Variants in GDPD1 observed in about 807,000 individuals in gnomAD.
GDPD1 encodes lysophospholipase D GDPD1.
In GDPD1, 28 loss-of-function variants were observed where a neutral mutation model predicts 45.1. That is an observed-to-expected ratio of 0.62 (90% CI 0.46 to 0.85). The LOEUF (loss-of-function observed/expected upper bound fraction) is 0.85, where lower values mean the gene tolerates loss of function less well. GDPD1 is among the 40% of genes least tolerant of loss of function. The pLI is 0.00. For synonymous variants in GDPD1, 139 were observed against 131.4 expected, an observed-to-expected ratio of 1.06 and a Z score of -0.40; for missense variants, 256 against 364.8, an observed-to-expected ratio of 0.70 and a Z score of 2.43.
intron 4 of GDPD1, among the ~76,000 whole-genome samples, chr17:59,250,766 C>G (rs2047247030): frequency 6.6e-6 from 1 of 152,096 alleles, no homozygotes; most frequent in South Asian, 2.1e-4. Context: ...GTAGCTCAAT[C>G]TCAGCTCACT....
intron 2 of GDPD1, among the ~76,000 whole-genome samples, chr17:59,234,794 T>C (rs1166238053): frequency 6.6e-6 from 1 of 152,166 alleles, no homozygotes; most frequent in Admixed American, 6.5e-5. Context: ...AAAGAAGACA[T>C]TTGTAACAAG....
chr17:59,241,668 G>A (rs1597972022), intron 2 of GDPD1, among the ~76,000 whole-genome samples: 1 of 150,808 alleles, frequency 6.6e-6, no homozygotes, highest in African/African-American at 2.4e-5. Context: ...GTGGCTCATG[G>A]CTGTAATCCC....
chr17:59,227,433 T>G (rs2047055783), intron 1 of GDPD1, among the ~76,000 whole-genome samples: 1 of 151,902 alleles, frequency 6.6e-6, no homozygotes, highest in Admixed American at 6.6e-5. Context: ...AAAAAAAAAT[T>G]TAAAACTTTT....
chr17:59,250,356 C>A (rs2047243330), intron 4 of GDPD1, among the ~76,000 whole-genome samples: 1 of 152,100 alleles, frequency 6.6e-6, no homozygotes, highest in Non-Finnish European at 1.5e-5. Flanking sequence ...TGTGGTGGCT[C>A]ACACCTATAA....
Position 59,257,807 on chromosome 17 carries a change from C to T in GDPD1, c.543C>T (p.Ala181=). ...AACACTTAACAGTGTGGGGTAATGC[C>T]AATTATGAAATTGTAGAAAAGTGCT... ...NREHLTVWGN[A]NYEIVEKCYK... is the part of the protein sequence containing the mutation. The change falls in exon 6 of 10, where the codon GCC becomes GCT. Residue 181 remains alanine (A), a synonymous_variant. Coordinates refer to ENST00000284116, the MANE Select transcript of GDPD1 (RefSeq NM_182569.4). 6.2e-7 allele frequency: 1 copy of T among 1,603,168 alleles called. No homozygotes were observed. The highest frequency in any genetic ancestry group is 8.5e-7 in the Non-Finnish European group (1 of 1,174,806).
chr17:59,256,241 C>T (rs1568347197), intron 4 of GDPD1, among the ~76,000 whole-genome samples: 2 of 151,734 alleles, frequency 1.3e-5, no homozygotes, highest in South Asian at 4.2e-4. Flanking sequence ...CACTTGGGCC[C>T]AGGAGGCAGA....
chr17:59,263,443 A>G (rs1283787029), intron 6 of GDPD1, among the ~76,000 whole-genome samples: 1 of 150,190 alleles, frequency 6.7e-6, no homozygotes, highest in Non-Finnish European at 1.5e-5. Flanking sequence ...CCAACATACT[A>G]TATAATTGAT....
At chr17:59,255,828 C>T (rs1251896069) in intron 4 of GDPD1, among the ~76,000 whole-genome samples, 3 of 36,614 alleles carry the variant, frequency 8.2e-5, no homozygotes, top group African/African-American at 2.4e-4. Context: ...TATATATATA[C>T]GCGTATATAT....
chr17:59,222,427 C>T (rs1467588603), intron 1 of GDPD1, among the ~76,000 whole-genome samples: 1 of 147,908 alleles, frequency 6.8e-6, no homozygotes, highest in Admixed American at 6.9e-5. Flanking sequence ...AGGATGGTCT[C>T]GATTTCCTGA....
At chr17:59,228,757 T>G (rs2047066379) in intron 1 of GDPD1, among the ~76,000 whole-genome samples, 1 of 151,728 alleles carries the variant, frequency 6.6e-6, no homozygotes, top group Admixed American at 6.6e-5. Flanking sequence ...GGCATGTGCC[T>G]GTAGTCCTAG....
At chr17:59,236,251 CTT>C (rs1212016148) in intron 2 of GDPD1, among the ~76,000 whole-genome samples, 1 of 152,108 alleles carries the variant, frequency 6.6e-6, no homozygotes, top group African/African-American at 2.4e-5. Context: ...TTTTAATCCT[CTT>C]AACATTTTTC....
intron 6 of GDPD1, among the ~76,000 whole-genome samples, chr17:59,265,104 G>C (rs1212471970): frequency 6.6e-6 from 1 of 152,158 alleles, no homozygotes; most frequent in African/African-American, 2.4e-5. Flanking sequence ...GCCTCCCAAA[G>C]TGCTGGGATT....
chr17:59,265,668 C>T (rs1718303801), intron 6 of GDPD1, among the ~76,000 whole-genome samples: 1 of 151,104 alleles, frequency 6.6e-6, no homozygotes, highest in Non-Finnish European at 1.5e-5. Context: ...GAGGCTGAGG[C>T]AGGTGGATTG....
intron 4 of GDPD1, among the ~76,000 whole-genome samples, chr17:59,255,872 TATACAC>T (rs1244203388): frequency 1.6e-4 from 8 of 48,550 alleles, no homozygotes; most frequent in African/African-American, 5.9e-4. Flanking sequence ...TATATATATA[TATACAC>T]ACACACACAC....
In GDPD1 at chr17:59,248,765, T is replaced by G; in HGVS notation, c.347T>G (p.Leu116Arg). The change falls in exon 4 of 10, where the codon CTG (leucine) becomes CGG (arginine). Residue 116 changes from leucine to arginine, a missense_variant. By Grantham distance (102) the Leu-to-Arg change is moderately radical. Coordinates refer to ENST00000284116, the MANE Select transcript of GDPD1 (RefSeq NM_182569.4). Reference sequence around the variant, plus strand: ...GAGCTCCCACCTTACCTTGGCAAACTGGATGTCTCATTTCAAAGAGGTAAT... The same window carrying G: ...GAGCTCCCACCTTACCTTGGCAAACGGGATGTCTCATTTCAAAGAGGTAAT... ...YCELPPYLGK[L>R]DVSFQRACQC... 3 of 1,606,226 alleles carry G rather than the reference T, an allele frequency of 1.9e-6. No individual in the cohort carries two copies. Among genetic ancestry groups the G allele is most frequent in the Non-Finnish European group, 2.6e-6 (3 of 1,175,844 alleles).
intron 4 of GDPD1, among the ~76,000 whole-genome samples, chr17:59,252,821 G>A (rs2047266094): frequency 6.6e-6 from 1 of 152,026 alleles, no homozygotes; most frequent in African/African-American, 2.4e-5. Context: ...CCAACATGGT[G>A]AAACCCCGTC....
chr17:59,257,990 A>ATG, intron 6 of GDPD1, 150 bp downstream of exon 6: 2 of 441,286 alleles, frequency 4.5e-6, no homozygotes, highest in Non-Finnish European at 8.0e-6. Flanking sequence ...GCAGTGGTGC[A>ATG]ATCATAGCTC....
At chr17:59,234,034 C>G (rs1266163726) in intron 1 of GDPD1, among the ~76,000 whole-genome samples, 1 of 152,038 alleles carries the variant, frequency 6.6e-6, no homozygotes, top group Non-Finnish European at 1.5e-5. Context: ...CAAAACACTT[C>G]CAGGCCCAAG....
At chr17:59,254,469 G>A (rs2047281301) in intron 4 of GDPD1, among the ~76,000 whole-genome samples, 1 of 152,022 alleles carries the variant, frequency 6.6e-6, no homozygotes, top group South Asian at 2.1e-4. Context: ...GTTCAAGGCT[G>A]CTGTGAGCTG....
Sources: allele counts gnomAD v4.1 joint callset (sites outside exome capture counted in the v4.1 genomes callset), GRCh38; gene constraint gnomAD v4.1.1; transcripts MANE v1.5; gene names NCBI Gene and HGNC (gene_info 2026-07-23, HGNC 2026-07-21).